Variants in ARHGAP42 observed in about 807,000 individuals in gnomAD.
ARHGAP42 encodes the protein Rho GTPase activating protein 42.
ARHGAP42 carries 63 observed loss-of-function variants against 125.0 expected under a neutral mutation model. The ratio of observed to expected loss-of-function variants is 0.50; its 90% confidence interval spans 0.41 to 0.62. ARHGAP42 has a LOEUF of 0.62. ARHGAP42 is among the 20% of genes least tolerant of loss of function. The pLI is 0.00. For synonymous variants in ARHGAP42, 339 were observed against 351.0 expected (o/e 0.97, Z 0.38); for missense variants, 766 against 1,024.2 (o/e 0.75, Z 3.44).
At chr11:100,781,284 T>G (rs1863305229) in intron 2 of ARHGAP42, among the ~76,000 whole-genome samples, 1 of 149,870 alleles carries the variant, frequency 6.7e-6, no homozygotes, top group Admixed American at 6.6e-5. Context: ...CAACATGAAC[T>G]GTTTTTTTTT....
At position 100,846,519 on chromosome 11, in the gene ARHGAP42, C is replaced by G. The variant is rs142632753; in HGVS notation, c.313-13035C>G. Among the ~76,000 whole-genome samples, 8 of 152,298 alleles carry G rather than the reference C, an allele frequency of 5.3e-5. No homozygotes were observed. The East Asian group carries it at 1.5e-3, about 29-fold the overall frequency. On this transcript the variant is annotated intron_variant, in intron 3 of 23. Transcript: ENST00000298815. ...CTTTCTCCACCTCCTACCCTACCCC[C>G]ACTTCCAACCAATAAGCTTATATCA... is the stretch of plus-strand genomic sequence containing the variant.
chr11:100,908,322 A>G (rs1406872837), intron 4 of ARHGAP42, among the ~76,000 whole-genome samples: 2 of 152,176 alleles, frequency 1.3e-5, no homozygotes, highest in African/African-American at 4.8e-5. Context: ...AATAGTGTGT[A>G]TTCCGGGGTT....
At chr11:100,979,949 A>G (rs577168393) in intron 22 of ARHGAP42, among the ~76,000 whole-genome samples, 1 of 152,324 alleles carries the variant, frequency 6.6e-6, no homozygotes, top group Non-Finnish European at 1.5e-5. Context: ...ATCAACCTGT[A>G]AAAGTATATG....
chr11:100,895,142 T>A (rs2135198160), intron 4 of ARHGAP42, among the ~76,000 whole-genome samples: 1 of 152,310 alleles, frequency 6.6e-6, no homozygotes, highest in East Asian at 1.9e-4. Context: ...AGTGGTGAAG[T>A]GTGCAGTGTA....
chr11:100,782,876 A>G (rs1463752724), intron 2 of ARHGAP42, among the ~76,000 whole-genome samples: 1 of 152,240 alleles, frequency 6.6e-6, no homozygotes, highest in Non-Finnish European at 1.5e-5. Flanking sequence ...GATGATCCTT[A>G]CAGATCTAAT....
chr11:100,693,272 G>A (rs1182447065), intron 1 of ARHGAP42, among the ~76,000 whole-genome samples: 1 of 151,896 alleles, frequency 6.6e-6, no homozygotes, highest in East Asian at 1.9e-4. Flanking sequence ...AATCAGAGGT[G>A]TGGAGGTGTA....
In ARHGAP42 at chr11:100,711,928, A is replaced by G. The variant is rs1305505467; in HGVS notation, c.154+24096A>G. 3.3e-5 allele frequency among the ~76,000 whole-genome samples: 5 copies of G among 152,336 alleles called. No individual in the cohort carries two copies. In the East Asian group the frequency reaches 7.7e-4, roughly 23 times the overall value. On this transcript the variant is annotated intron_variant, in intron 1 of 23. Coordinates refer to ENST00000298815, the MANE Select transcript of ARHGAP42 (RefSeq NM_152432.4). Reference sequence around the variant, plus strand: ...ATTAGCTAAAAGATGTAAAAATAATATCTTTGGCTAATTAAAGGTGTACTG... The same window carrying G: ...ATTAGCTAAAAGATGTAAAAATAATGTCTTTGGCTAATTAAAGGTGTACTG...
chr11:100,921,318 G>A (rs1040689077), intron 5 of ARHGAP42, among the ~76,000 whole-genome samples, 176 bp from the exon 6 acceptor site: 23 of 137,362 alleles, frequency 1.7e-4, no homozygotes, highest in Admixed American at 4.7e-4. Context: ...GTATGTGTCT[G>A]TGTGTGTGAG....
At chr11:100,744,932 T>A (rs1394877519) in intron 1 of ARHGAP42, among the ~76,000 whole-genome samples, 1 of 152,200 alleles carries the variant, frequency 6.6e-6, no homozygotes, top group Non-Finnish European at 1.5e-5. Context: ...GAGTTCTTAT[T>A]CCTGGCGCAC....
At chr11:100,786,514 C>G (rs541982140) in intron 2 of ARHGAP42, among the ~76,000 whole-genome samples, 1 of 152,118 alleles carries the variant, frequency 6.6e-6, no homozygotes, top group Non-Finnish European at 1.5e-5. Flanking sequence ...AATATATACA[C>G]TTACCATATA....
intron 3 of ARHGAP42, among the ~76,000 whole-genome samples, chr11:100,829,082 C>T (rs1864598869): frequency 6.6e-6 from 1 of 152,148 alleles, no homozygotes; most frequent in South Asian, 2.1e-4. Context: ...CTCCTTTGCT[C>T]TCCTTTCCTG....
At chr11:100,757,342 G>A (rs982916234) in intron 1 of ARHGAP42, among the ~76,000 whole-genome samples, 3 of 152,168 alleles carry the variant, frequency 2.0e-5, no homozygotes, top group African/African-American at 4.8e-5. Context: ...ACTTAACCTT[G>A]AGCCTTAGTT....
intron 3 of ARHGAP42, among the ~76,000 whole-genome samples, chr11:100,852,213 ATT>A (rs1865219818): frequency 6.6e-6 from 1 of 152,134 alleles, no homozygotes; most frequent in Non-Finnish European, 1.5e-5. Context: ...TTGCATATAT[ATT>A]GGGATATCTT....
At chr11:100,971,815 T>TTATATA in intron 17 of ARHGAP42, among the ~76,000 whole-genome samples, 1 of 152,240 alleles carries the variant, frequency 6.6e-6, no homozygotes, top group East Asian at 1.9e-4. Context: ...ACATGGGTTG[T>TTATATA]TATATATATA....
At chr11:100,730,980 TGTTGACAAAG>T (rs1861947518) in intron 1 of ARHGAP42, among the ~76,000 whole-genome samples, 1 of 152,198 alleles carries the variant, frequency 6.6e-6, no homozygotes, top group African/African-American at 2.4e-5. Flanking sequence ...TGCAGCCTAT[TGTTGACAAAG>T]GTTTTGCTTT....
intron 1 of ARHGAP42, among the ~76,000 whole-genome samples, chr11:100,722,711 C>T (rs913620602): frequency 6.6e-6 from 1 of 152,142 alleles, no homozygotes. Flanking sequence ...TTAACGTTTA[C>T]GTCATATGTT....
intron 2 of ARHGAP42, among the ~76,000 whole-genome samples, chr11:100,794,542 G>T (rs1028172632): frequency 2.6e-5 from 4 of 152,170 alleles, no homozygotes; most frequent in African/African-American, 9.7e-5. Context: ...TGTTAACGCT[G>T]AATTGAACAG....
intron 4 of ARHGAP42, among the ~76,000 whole-genome samples, chr11:100,862,040 C>T (rs920109901): frequency 9.9e-5 from 15 of 152,166 alleles, no homozygotes; most frequent in Admixed American, 3.3e-4. Flanking sequence ...ATGACAAGAA[C>T]ATGGTATCCT....
At chr11:100,751,092 C>T (rs181019635) in intron 1 of ARHGAP42, among the ~76,000 whole-genome samples, 1 of 151,694 alleles carries the variant, frequency 6.6e-6, no homozygotes. Flanking sequence ...GGGCCTGCCA[C>T]CACGCCTGGC....
Sources: allele counts gnomAD v4.1 joint callset (sites outside exome capture counted in the v4.1 genomes callset), GRCh38; gene constraint gnomAD v4.1.1; transcripts MANE v1.5; gene names NCBI Gene and HGNC (gene_info 2026-07-23, HGNC 2026-07-21).